Variants in BMPR1B observed in about 807,000 individuals in gnomAD.
The protein encoded by BMPR1B is bone morphogenetic protein receptor type-1B.
BMPR1B carries 12 observed loss-of-function variants against 59.1 expected under a neutral mutation model. The observed-to-expected ratio is 0.20, with a 90% CI of 0.13 to 0.33. The LOEUF (loss-of-function observed/expected upper bound fraction) is 0.33. BMPR1B is among the 10% of genes least tolerant of loss of function. BMPR1B has a pLI of 1.00. For synonymous variants in BMPR1B, 237 were observed against 207.3 expected (o/e 1.14, Z -1.23); for missense variants, 550 against 610.9 (o/e 0.90, Z 1.05).
At chr4:94,921,220 A>C (rs1042353584) in intron 2 of BMPR1B, among the ~76,000 whole-genome samples, 3 of 152,142 alleles carry the variant, frequency 2.0e-5, no homozygotes, top group African/African-American at 7.2e-5. Context: ...ATATGACCTC[A>C]GAGTGCACTG....
At chr4:94,850,028 C>T (rs1370303070) in intron 1 of BMPR1B, among the ~76,000 whole-genome samples, 1 of 151,992 alleles carries the variant, frequency 6.6e-6, no homozygotes, top group Non-Finnish European at 1.5e-5. Flanking sequence ...TTTTCCCTTC[C>T]TCCCAGTTCT....
At chr4:94,873,229 C>G (rs1726572444) in intron 1 of BMPR1B, among the ~76,000 whole-genome samples, 1 of 152,094 alleles carries the variant, frequency 6.6e-6, no homozygotes, top group Non-Finnish European at 1.5e-5. Flanking sequence ...CTGAATGACC[C>G]TCAATTTGCC....
At chr4:94,907,076 A>G (rs933317917) in intron 2 of BMPR1B, among the ~76,000 whole-genome samples, 3 of 152,016 alleles carry the variant, frequency 2.0e-5, no homozygotes, top group Admixed American at 6.6e-5. Context: ...TCAGCTTCAG[A>G]TCAGTAACTG....
intron 2 of BMPR1B, among the ~76,000 whole-genome samples, chr4:94,899,289 T>C (rs1389926917): frequency 6.6e-6 from 1 of 151,952 alleles, no homozygotes; most frequent in Admixed American, 6.6e-5. Flanking sequence ...ACAAACTCTT[T>C]TTTAAAATAA....
At chr4:95,083,419 A>C (rs1729327353) in intron 3 of BMPR1B, among the ~76,000 whole-genome samples, 1 of 151,692 alleles carries the variant, frequency 6.6e-6, no homozygotes, top group African/African-American at 2.4e-5. Context: ...TTGTAGAAGC[A>C]AAAAAAAATT....
At chr4:95,107,140 GTATGAC>G (rs995994391) in intron 4 of BMPR1B, among the ~76,000 whole-genome samples, 1 of 152,020 alleles carries the variant, frequency 6.6e-6, no homozygotes, top group Non-Finnish European at 1.5e-5. Context: ...ATCTACCAGT[GTATGAC>G]TTGGCCATGA....
In BMPR1B at chr4:95,130,013, A is replaced by C. The variant is rs779737736; in HGVS notation, c.737A>C (p.Glu246Ala). ...GAAGCCAGCTGGTTCAGAGAGACAG[A>C]AATATATCAGACAGTGTTGATGAGG... is the stretch of plus-strand genomic sequence containing the variant. ...TEEASWFRET[E>A]IYQTVLMRHE... The change falls in exon 9 of 13, where the codon GAA becomes GCA. Residue 246 changes from glutamate to alanine, a missense_variant. Coordinates refer to ENST00000515059, the MANE Select transcript of BMPR1B (RefSeq NM_001203.3). The C allele has an allele frequency of 1.5e-5, 25 of 1,613,966 alleles. No individual in the cohort carries two copies. Among genetic ancestry groups the C allele is most frequent in the Admixed American group, 1.3e-4 (8 of 59,974 alleles).
intron 1 of BMPR1B, among the ~76,000 whole-genome samples, chr4:94,779,647 A>T (rs901273036): frequency 6.6e-6 from 1 of 152,178 alleles, no homozygotes. Context: ...CCTGGCCAAC[A>T]TGGTGAAACC....
chr4:94,910,540 A>G (rs186577181), intron 2 of BMPR1B, among the ~76,000 whole-genome samples: 18 of 152,246 alleles, frequency 1.2e-4, no homozygotes, highest in Non-Finnish European at 2.5e-4. Flanking sequence ...TTGGATGTTC[A>G]GTATAATTTG....
chr4:94,937,737 C>G (rs1006236564), intron 2 of BMPR1B, among the ~76,000 whole-genome samples: 7 of 151,764 alleles, frequency 4.6e-5, no homozygotes, highest in African/African-American at 1.7e-4. Context: ...CACACACACA[C>G]AGACACACAC....
intron 3 of BMPR1B, among the ~76,000 whole-genome samples, chr4:95,052,337 A>G (rs1726566031): frequency 6.6e-6 from 1 of 152,232 alleles, no homozygotes; most frequent in South Asian, 2.1e-4. Flanking sequence ...GAAGTTGACT[A>G]AAATATAGAA....
At chr4:94,852,784 T>C (rs1725615546) in intron 1 of BMPR1B, among the ~76,000 whole-genome samples, 1 of 152,176 alleles carries the variant, frequency 6.6e-6, no homozygotes, top group African/African-American at 2.4e-5. Flanking sequence ...TGATCTTCCC[T>C]TGGGAGCTAC....
chr4:95,083,123 T>G (rs1186765224), intron 3 of BMPR1B, among the ~76,000 whole-genome samples: 1 of 152,002 alleles, frequency 6.6e-6, no homozygotes, highest in East Asian at 1.9e-4. Context: ...AACCTCATTT[T>G]ATTGATAAGG....
chr4:94,866,221 A>G (rs1238318413), intron 1 of BMPR1B, among the ~76,000 whole-genome samples: 2 of 152,134 alleles, frequency 1.3e-5, no homozygotes, highest in East Asian at 1.9e-4. Context: ...ATATATTCCA[A>G]TCCTTTTTCA....
At chr4:95,061,564 G>A (rs144281091) in intron 3 of BMPR1B, among the ~76,000 whole-genome samples, 206 of 152,234 alleles carry the variant, frequency 1.4e-3, no homozygotes, top group African/African-American at 4.9e-3. Context: ...AAAAGACCTG[G>A]TTAATTTTTA....
chr4:95,110,550 G>A (rs143278099), intron 4 of BMPR1B, among the ~76,000 whole-genome samples: 4 of 152,206 alleles, frequency 2.6e-5, no homozygotes, highest in South Asian at 2.1e-4. Flanking sequence ...GCTATATTCC[G>A]TCCACTGCTA....
chr4:95,014,617 G>T (rs1723454558), intron 3 of BMPR1B, among the ~76,000 whole-genome samples: 1 of 152,164 alleles, frequency 6.6e-6, no homozygotes, highest in Non-Finnish European at 1.5e-5. Flanking sequence ...TGTAGGGTAA[G>T]ATGATGCAGA....
rs1424924349 is a variant in BMPR1B, at chr4:95,152,765, A to C, written c.1375A>C (p.Ser459Arg). 3.7e-6 allele frequency: 6 copies of C among 1,612,244 alleles called. No individual in the cohort carries two copies. In the South Asian group the frequency reaches 6.6e-5, roughly 18 times the overall value. ...LRPSFPNRWS[S>R]DECLRQMGKL... is the part of the protein sequence containing the mutation. Reference sequence around the variant, plus strand: ...CCCCTCATTCCCAAACCGGTGGAGCAGTGATGAGGTAAGGCTTGAGGTAAC... The same window carrying C: ...CCCCTCATTCCCAAACCGGTGGAGCCGTGATGAGGTAAGGCTTGAGGTAAC... The change falls in exon 12 of 13, where the codon AGT (serine) becomes CGT (arginine). Residue 459 changes from serine (S) to arginine (R), a missense_variant. Physicochemically the swap from Ser to Arg is moderately radical, Grantham distance 110. This residue lies in a region of BMPR1B where 123 missense variants were observed against 164.6 expected (regional missense o/e 0.75). Transcript: ENST00000515059.
In BMPR1B at chr4:94,876,236, CGAT is replaced by C. The variant is rs34325553; in HGVS notation, c.-113+337_-113+339del. 7.4e-3 allele frequency among the ~76,000 whole-genome samples: 1,121 copies of C among 152,248 alleles called. 16 individuals are homozygous for C. The highest frequency in any genetic ancestry group is 0.026 in the African/African-American group (1,074 of 41,538). On this transcript the variant is annotated intron_variant, in intron 2 of 12. Coordinates refer to ENST00000515059, the MANE Select transcript of BMPR1B (RefSeq NM_001203.3). ...TTACCAACCATTGCTGATATCATCACGATAACATGTTTCAGGTTAATAAAAACT... is the reference window on the plus strand; with the variant it reads ...TTACCAACCATTGCTGATATCATCACAACATGTTTCAGGTTAATAAAAACT...
Sources: allele counts gnomAD v4.1 joint callset (sites outside exome capture counted in the v4.1 genomes callset), GRCh38; gene constraint gnomAD v4.1.1; regional missense constraint gnomAD v4.1.1; transcripts MANE v1.5; gene names NCBI Gene and HGNC (gene_info 2026-07-23, HGNC 2026-07-21).